Variants in NTRK2 observed in about 807,000 individuals in gnomAD.
The protein encoded by NTRK2 is neurotrophic receptor tyrosine kinase 2.
A neutral mutation model predicts 94.5 loss-of-function variants in NTRK2; 13 were observed. The observed-to-expected ratio is 0.14, with a 90% CI of 0.09 to 0.22. The LOEUF is 0.22. Among genes scored for constraint, NTRK2 ranks in the 10% least tolerant of loss-of-function variants. The pLI is 1.00. For synonymous variants in NTRK2, 372 were observed against 407.4 expected (o/e 0.91, Z 1.05); for missense variants, 639 against 1,071.2 (o/e 0.60, Z 5.63).
At chr9:84,903,173 T>G (rs2076981790) in intron 14 of NTRK2, among the ~76,000 whole-genome samples, 1 of 152,210 alleles carries the variant, frequency 6.6e-6, no homozygotes, top group Non-Finnish European at 1.5e-5. Flanking sequence ...AATAATACAG[T>G]GCAGATGGAA....
chr9:84,967,947 A>C (rs1416943883), intron 17 of NTRK2, among the ~76,000 whole-genome samples: 3 of 152,192 alleles, frequency 2.0e-5, no homozygotes, highest in African/African-American at 7.2e-5. Context: ...TCTTAGGGCA[A>C]GTAGTGAATT....
intron 14 of NTRK2, among the ~76,000 whole-genome samples, chr9:84,930,711 G>A (rs1587967510): frequency 6.6e-6 from 1 of 152,154 alleles, no homozygotes; most frequent in East Asian, 1.9e-4. Context: ...GAGCTGAAGG[G>A]GCATAAGCGA....
chr9:84,832,700 G>A (rs548566564), intron 12 of NTRK2, among the ~76,000 whole-genome samples: 9 of 152,230 alleles, frequency 5.9e-5, no homozygotes, highest in South Asian at 2.1e-4. Flanking sequence ...AACCAGCTGC[G>A]AAAACATAAA....
chr9:85,010,965 G>C (rs1831499728), intron 17 of NTRK2, among the ~76,000 whole-genome samples: 3 of 152,174 alleles, frequency 2.0e-5, no homozygotes, highest in Admixed American at 2.0e-4. Context: ...GCAACATGGA[G>C]TCCAGGAAGC....
chr9:84,763,413 A>T (rs2065764977), intron 12 of NTRK2, among the ~76,000 whole-genome samples: 1 of 151,242 alleles, frequency 6.6e-6, no homozygotes, highest in African/African-American at 2.4e-5. Context: ...ATTTTTTCTG[A>T]TTTCATCTTC....
intron 14 of NTRK2, among the ~76,000 whole-genome samples, chr9:84,901,063 A>T (rs960592229): frequency 6.6e-6 from 1 of 152,174 alleles, no homozygotes; most frequent in South Asian, 2.1e-4. Flanking sequence ...AAAATGGATA[A>T]CTACAGGTTA....
At chr9:84,786,371 C>A (rs2068110649) in intron 12 of NTRK2, among the ~76,000 whole-genome samples, 1 of 152,156 alleles carries the variant, frequency 6.6e-6, no homozygotes, top group Non-Finnish European at 1.5e-5. Flanking sequence ...ACCTACCTGG[C>A]CTCACCTGTG....
chr9:84,720,503 G>T lies in NTRK2; in HGVS notation c.584-3070G>T, dbSNP rs1027781189. ...AATGATTTCATGATCCTGACATCAG[G>T]TGGTACCTAGTAAATTGGCCAATAA... On this transcript the variant is annotated intron_variant, in intron 6 of 18. Coordinates refer to ENST00000277120, the MANE Select transcript of NTRK2 (RefSeq NM_006180.6). Among the ~76,000 whole-genome samples the T allele has an allele frequency of 2.6e-5, 4 of 152,262 alleles. No individual in the cohort carries two copies. The East Asian group carries it at 5.8e-4, about 22-fold the overall frequency.
At chr9:84,720,618 T>C (rs1463475548) in intron 6 of NTRK2, among the ~76,000 whole-genome samples, 1 of 151,882 alleles carries the variant, frequency 6.6e-6, no homozygotes, top group Non-Finnish European at 1.5e-5. Context: ...CCAGACATAA[T>C]TGAGGAAAGC....
At chr9:84,696,199 G>C (rs2060364274) in intron 2 of NTRK2, among the ~76,000 whole-genome samples, 1 of 152,212 alleles carries the variant, frequency 6.6e-6, no homozygotes, top group South Asian at 2.1e-4. Flanking sequence ...GTGTAGACAG[G>C]GTATTACTAT....
intron 14 of NTRK2, chr9:84,874,791 T>A: frequency 9.4e-7 from 1 of 1,058,562 alleles, no homozygotes; most frequent in Non-Finnish European, 1.1e-6. Flanking sequence ...GTTTGCTTCC[T>A]GTCAGTGAGA....
intron 2 of NTRK2, among the ~76,000 whole-genome samples, chr9:84,677,223 T>A (rs1369905015): frequency 6.6e-6 from 1 of 152,136 alleles, no homozygotes; most frequent in East Asian, 1.9e-4. Context: ...GCCCTTTCGA[T>A]GAGGTCTGTG....
At chr9:84,938,695 A>T (rs2078292824) in intron 15 of NTRK2, among the ~76,000 whole-genome samples, 1 of 152,110 alleles carries the variant, frequency 6.6e-6, no homozygotes, top group African/African-American at 2.4e-5. Context: ...GAATGAATGA[A>T]GGGATGGATG....
chr9:84,689,313 C>T (rs201515106), intron 2 of NTRK2, among the ~76,000 whole-genome samples: 3 of 152,196 alleles, frequency 2.0e-5, no homozygotes, highest in Non-Finnish European at 2.9e-5. Context: ...TTACTCTCAT[C>T]GTGTAGGACC....
At chr9:84,792,624 A>G (rs1473342943) in intron 12 of NTRK2, among the ~76,000 whole-genome samples, 1 of 152,238 alleles carries the variant, frequency 6.6e-6, no homozygotes, top group Non-Finnish European at 1.5e-5. Flanking sequence ...CAGTGGTCAA[A>G]CGTAGACATT....
At chr9:84,736,132 T>C (rs2063243374) in intron 9 of NTRK2, among the ~76,000 whole-genome samples, 1 of 152,306 alleles carries the variant, frequency 6.6e-6, no homozygotes. Context: ...GAGCACCAGA[T>C]GATAAAATAC....
intron 12 of NTRK2, among the ~76,000 whole-genome samples, chr9:84,789,730 C>T (rs2068527956): frequency 1.3e-5 from 2 of 152,194 alleles, no homozygotes; most frequent in Admixed American, 1.3e-4. Context: ...CTCTCTGGTG[C>T]CCTTTTTTGC....
chr9:84,701,555 G>A (rs770764921), intron 2 of NTRK2, among the ~76,000 whole-genome samples: 13 of 152,110 alleles, frequency 8.5e-5, no homozygotes, highest in Admixed American at 2.0e-4. Context: ...AGGTTCCCAC[G>A]GAGAATGCGC....
chr9:85,020,921 C>T (rs1037690064), intron 18 of NTRK2, among the ~76,000 whole-genome samples: 2 of 152,148 alleles, frequency 1.3e-5, no homozygotes, highest in Non-Finnish European at 2.9e-5. Context: ...TCAGTCAGTG[C>T]CTTAACACCC....
Sources: gnomAD v4.1 joint callset for allele counts (sites outside exome capture counted in the v4.1 genomes callset) on GRCh38, gnomAD v4.1.1 for gene constraint, MANE v1.5 for transcripts, NCBI Gene and HGNC (gene_info 2026-07-23, HGNC 2026-07-21) for gene names.